The following CSMD1 variants were observed in gnomAD, a reference collection of about 807,000 sequenced individuals.
The protein encoded by CSMD1 is CUB and Sushi multiple domains 1, also known as CUB and sushi domain-containing protein 1.
CSMD1 carries 213 observed loss-of-function variants against 417.5 expected under a neutral mutation model. The observed-to-expected ratio is 0.51, with a 90% CI of 0.46 to 0.57. The LOEUF is 0.57. Ranked by LOEUF, CSMD1 falls within the 20% of genes least tolerant of loss-of-function variation. The pLI, the probability that CSMD1 is intolerant of heterozygous loss-of-function variation, is 0.00. For missense variants in CSMD1, 6,923 were observed against 4,529.7 expected (o/e 1.53, Z -15.17); for synonymous variants, 2,862 against 1,736.8 (o/e 1.65, Z -16.11).
chr8:4,152,400 C>G (rs1796613461), intron 3 of CSMD1, among the ~76,000 whole-genome samples: 1 of 151,958 alleles, frequency 6.6e-6, no homozygotes, highest in Non-Finnish European at 1.5e-5. Context: ...TTACTTAGGC[C>G]AGGCACAGTG....
At chr8:3,109,027 G>C (rs755080120) in intron 43 of CSMD1, among the ~76,000 whole-genome samples, 1 of 152,172 alleles carries the variant, frequency 6.6e-6, no homozygotes, top group South Asian at 2.1e-4. Context: ...CACTTTGGGA[G>C]GCCAAGGCAG....
rs1415333501 is a variant in CSMD1, at chr8:4,364,698, G to A, written c.415+55255C>T. 2.2e-4 allele frequency among the ~76,000 whole-genome samples: 13 copies of A among 58,208 alleles called. 4 individuals are homozygous for A. Among genetic ancestry groups the A allele is most frequent in the Non-Finnish European group, 1.4e-4 (5 of 34,834 alleles). 38.2% of individuals were successfully genotyped at this position (58,208 alleles called of 152,430 possible). A position where few individuals can be genotyped will look rare whatever the true frequency, so the allele number is the denominator to read the frequency against. Reference sequence around the variant, plus strand: ...AAATTAGCCGGGCGTAGTGGCGGGCGCCTGTAGTCCCAGCTACTTGGGAGG... The same window carrying A: ...AAATTAGCCGGGCGTAGTGGCGGGCACCTGTAGTCCCAGCTACTTGGGAGG... On this transcript the variant is annotated intron_variant, in intron 3 of 69. Transcript: ENST00000635120.
chr8:4,052,297 A>G (rs1438584322), intron 3 of CSMD1, among the ~76,000 whole-genome samples: 1 of 152,210 alleles, frequency 6.6e-6, no homozygotes, highest in African/African-American at 2.4e-5. Context: ...AGATTAGAGA[A>G]GAACGCTGAC....
intron 10 of CSMD1, among the ~76,000 whole-genome samples, chr8:3,518,495 A>T (rs1191656386): frequency 6.6e-6 from 1 of 152,222 alleles, no homozygotes; most frequent in Non-Finnish European, 1.5e-5. Flanking sequence ...TGGTAGACTC[A>T]ACAAAGAATC....
intron 3 of CSMD1, among the ~76,000 whole-genome samples, chr8:4,350,673 T>C (rs2128900741): frequency 6.6e-6 from 1 of 152,278 alleles, no homozygotes; most frequent in African/African-American, 2.4e-5. Context: ...AGAACAAAGG[T>C]GTATTTTTCA....
At chr8:3,609,863 G>T (rs1258896568) in intron 8 of CSMD1, among the ~76,000 whole-genome samples, 1 of 108,786 alleles carries the variant, frequency 9.2e-6, no homozygotes, top group Admixed American at 1.5e-4. Context: ...CTGTCCCCCA[G>T]GCTGAAGTGA....
intron 24 of CSMD1, 24 bp from the exon 25 acceptor site, chr8:3,307,845 G>A (rs770964493): frequency 3.1e-6 from 5 of 1,604,972 alleles, no homozygotes; most frequent in African/African-American, 1.3e-5. Context: ...AGAGAGATGG[G>A]AACGTTCAGC....
intron 3 of CSMD1, among the ~76,000 whole-genome samples, chr8:4,187,207 T>C (rs1255060270): frequency 6.6e-6 from 1 of 152,182 alleles, no homozygotes; most frequent in Non-Finnish European, 1.5e-5. Context: ...TGTTGGATTC[T>C]GTTCAGAGAA....
intron 3 of CSMD1, among the ~76,000 whole-genome samples, chr8:4,185,040 G>A (rs1290752631): frequency 6.6e-6 from 1 of 151,034 alleles, no homozygotes; most frequent in African/African-American, 2.4e-5. Flanking sequence ...TTGGGAGGCT[G>A]AGGCAGGAGA....
chr8:3,740,514 G>A lies in CSMD1; in HGVS notation c.931+13416C>T, dbSNP rs536414031. 6.6e-5 allele frequency among the ~76,000 whole-genome samples: 10 copies of A among 152,310 alleles called. No individual in the cohort carries two copies. In the East Asian group the frequency reaches 7.7e-4, roughly 12 times the overall value. On this transcript the variant is annotated intron_variant, in intron 6 of 69. Coordinates refer to ENST00000635120, the MANE Select transcript of CSMD1 (RefSeq NM_033225.6). ...TAAAATACTCAGAGGAGGGTTCACC[G>A]ATGGATGTGATATACAGACGGAAAG...
intron 3 of CSMD1, among the ~76,000 whole-genome samples, chr8:4,288,543 A>C (rs770929993): frequency 9.2e-5 from 14 of 152,260 alleles, no homozygotes; most frequent in African/African-American, 3.4e-4. Context: ...TCCTGTCCTT[A>C]TGACTTGTCC....
chr8:4,545,574 G>A (rs1473420638), intron 2 of CSMD1, among the ~76,000 whole-genome samples: 5 of 152,138 alleles, frequency 3.3e-5, no homozygotes, highest in African/African-American at 9.7e-5. Flanking sequence ...GGTTCTTTGG[G>A]TCACAGTGAT....
At chr8:2,945,948 G>A (rs931700573) in intron 68 of CSMD1, among the ~76,000 whole-genome samples, 1 of 152,172 alleles carries the variant, frequency 6.6e-6, no homozygotes, top group East Asian at 1.9e-4. Flanking sequence ...TGCACATCCT[G>A]TCACGCAACA....
intron 1 of CSMD1, among the ~76,000 whole-genome samples, chr8:4,729,186 G>C (rs1024999278): frequency 7.9e-5 from 12 of 151,988 alleles, no homozygotes; most frequent in African/African-American, 2.4e-4. Flanking sequence ...AGAGGTCTCA[G>C]GAAACAAATA....
At chr8:3,790,895 G>T (rs1437110010) in intron 5 of CSMD1, among the ~76,000 whole-genome samples, 1 of 152,104 alleles carries the variant, frequency 6.6e-6, no homozygotes, top group Non-Finnish European at 1.5e-5. Context: ...GCTAATGAAT[G>T]GATGTGTCAA....
At chr8:4,467,885 T>C (rs1800278202) in intron 2 of CSMD1, among the ~76,000 whole-genome samples, 1 of 152,188 alleles carries the variant, frequency 6.6e-6, no homozygotes, top group Admixed American at 6.5e-5. Context: ...CAGAATCATC[T>C]AGTGGGTTGA....
chr8:3,419,942 G>A (rs1045787942), intron 12 of CSMD1, among the ~76,000 whole-genome samples: 2 of 152,122 alleles, frequency 1.3e-5, no homozygotes, highest in Non-Finnish European at 2.9e-5. Context: ...GACTTCCTGT[G>A]AGTTGCTAGA....
chr8:3,128,173 A>C (rs1817609298), intron 41 of CSMD1: 1 of 152,196 alleles, frequency 6.6e-6, no homozygotes, highest in Non-Finnish European at 1.5e-5. Context: ...CTTTGTTTAG[A>C]TCTGAAAAAA....
chr8:4,366,249 T>C (rs1398394790), intron 3 of CSMD1, among the ~76,000 whole-genome samples: 1 of 92,164 alleles, frequency 1.1e-5, no homozygotes, highest in Non-Finnish European at 2.0e-5. Flanking sequence ...GCAAAAGACG[T>C]GATTCTTTTT....
Sources: allele counts gnomAD v4.1 joint callset (sites outside exome capture counted in the v4.1 genomes callset), GRCh38; gene constraint gnomAD v4.1.1; transcripts MANE v1.5; gene names NCBI Gene and HGNC (gene_info 2026-07-23, HGNC 2026-07-21).